SUPT3H: variants seen among roughly 807,000 people sequenced by gnomAD.
SUPT3H encodes SPT3 homolog, SAGA and STAGA complex component, also known as transcription initiation protein SPT3 homolog.
SUPT3H carries 44 observed loss-of-function variants against 44.3 expected under a neutral mutation model. The observed-to-expected ratio is 0.99, with a 90% confidence interval of 0.78 to 1.28. SUPT3H has a LOEUF of 1.28. Among genes scored for constraint, SUPT3H ranks in the 50% most tolerant of loss-of-function variants. The pLI is 0.00. For missense variants in SUPT3H, 380 were observed against 387.1 expected, an observed-to-expected ratio of 0.98 and a Z score of 0.15; for synonymous variants, 124 against 125.6, an observed-to-expected ratio of 0.99 and a Z score of 0.09.
chr6:45,146,289 G>A (rs1806055653), intron 2 of SUPT3H, among the ~76,000 whole-genome samples: 1 of 151,982 alleles, frequency 6.6e-6, no homozygotes, highest in South Asian at 2.1e-4. Context: ...ATCAATGAGT[G>A]GATAAAGAAA....
intron 1 of SUPT3H, chr6:45,372,098 TATTA>T: frequency 2.3e-6 from 2 of 867,014 alleles, no homozygotes; most frequent in Non-Finnish European, 2.8e-6. Flanking sequence ...TGTTGTGAAA[TATTA>T]ATATCTGACT....
chr6:44,884,095 T>G (rs1480056219), intron 10 of SUPT3H, among the ~76,000 whole-genome samples: 1 of 152,084 alleles, frequency 6.6e-6, no homozygotes, highest in Admixed American at 6.5e-5. Flanking sequence ...GGGTGAAAAT[T>G]TTTGCAATCT....
In SUPT3H at chr6:45,122,424, C is replaced by T. The variant is rs142993033; in HGVS notation, c.102-16418G>A. Among the ~76,000 whole-genome samples, 1,380 of 152,218 alleles carry T rather than the reference C, an allele frequency of 9.1e-3. 14 individuals are homozygous for T. Among genetic ancestry groups the T allele is most frequent in the South Asian group, 0.028 (137 of 4,814 alleles). On this transcript the variant is annotated intron_variant, in intron 2 of 10. Coordinates refer to ENST00000371459, the MANE Select transcript of SUPT3H (RefSeq NM_003599.4). Reference sequence around the variant, plus strand: ...TCTCAAAAACTTAGGAATAATTTCACAGTACCTAAGGATTAAGAAAAAAGG... The same window carrying T: ...TCTCAAAAACTTAGGAATAATTTCATAGTACCTAAGGATTAAGAAAAAAGG...
rs377640727 is a variant in SUPT3H at position 45,233,477 on chromosome 6, G to C, written c.102-127471C>G. On this transcript the variant is annotated intron_variant, in intron 2 of 10. Transcript: ENST00000371459. ...TAAATGGCTACTCATGCTAGTGTCA[G>C]AATTTGTGAAGGTAGAGAAGCTCTC... 1.3e-4 allele frequency among the ~76,000 whole-genome samples: 20 copies of C among 152,312 alleles called. No homozygotes were observed. In the East Asian group the frequency reaches 2.7e-3, roughly 21 times the overall value.
At chr6:44,894,781 C>T (rs930172534) in intron 10 of SUPT3H, among the ~76,000 whole-genome samples, 6 of 151,456 alleles carry the variant, frequency 4.0e-5, no homozygotes, top group South Asian at 2.1e-4. Context: ...TTTGAGAAAA[C>T]GCCCTTATAG....
At chr6:45,047,124 GCT>G (rs1436897533) in intron 3 of SUPT3H, among the ~76,000 whole-genome samples, 3 of 152,098 alleles carry the variant, frequency 2.0e-5, no homozygotes, top group African/African-American at 7.2e-5. Flanking sequence ...GGATTTTCTA[GCT>G]ATATGATTAT....
At chr6:45,328,936 T>G in intron 2 of SUPT3H, 1 of 811,014 alleles carries the variant, frequency 1.2e-6, no homozygotes, top group Non-Finnish European at 2.0e-6. Flanking sequence ...ATGAAATTTC[T>G]GTATATATTT....
chr6:45,107,536 G>C (rs1190443056), intron 2 of SUPT3H, among the ~76,000 whole-genome samples: 1 of 152,086 alleles, frequency 6.6e-6, no homozygotes, highest in Admixed American at 6.6e-5. Context: ...CCTAAGAATT[G>C]TTAACTATAA....
chr6:45,080,790 A>C (rs1212437950), intron 3 of SUPT3H, among the ~76,000 whole-genome samples: 1 of 152,062 alleles, frequency 6.6e-6, no homozygotes, highest in African/African-American at 2.4e-5. Flanking sequence ...GGAAATGAAG[A>C]AGTGGAGGTA....
chr6:45,103,034 G>A (rs1284613233), intron 3 of SUPT3H, among the ~76,000 whole-genome samples: 2 of 151,932 alleles, frequency 1.3e-5, no homozygotes, highest in Non-Finnish European at 1.5e-5. Context: ...AGATTTAAAT[G>A]AAGAGTACAA....
chr6:45,269,358 T>C (rs901274139), intron 2 of SUPT3H, among the ~76,000 whole-genome samples: 13 of 152,200 alleles, frequency 8.5e-5, no homozygotes, highest in African/African-American at 3.1e-4. Flanking sequence ...AGGAAAGCCT[T>C]ATTTAGAACA....
At chr6:45,323,585 TAAAAC>T in intron 2 of SUPT3H, among the ~76,000 whole-genome samples, 1 of 152,080 alleles carries the variant, frequency 6.6e-6, no homozygotes, top group East Asian at 1.9e-4. Context: ...AAAGACATCT[TAAAAC>T]AAATTGTAAC....
intron 3 of SUPT3H, among the ~76,000 whole-genome samples, chr6:45,061,962 T>C (rs1002333508): frequency 6.6e-6 from 1 of 150,986 alleles, no homozygotes; most frequent in Non-Finnish European, 1.5e-5. Flanking sequence ...GGGTGATGTG[T>C]TATATGAACA....
At chr6:45,330,532 G>A (rs1210619333) in intron 2 of SUPT3H, among the ~76,000 whole-genome samples, 2 of 151,778 alleles carry the variant, frequency 1.3e-5, no homozygotes, top group Non-Finnish European at 2.9e-5. Context: ...AACAACACAA[G>A]TTTCAAAAAA....
chr6:44,889,420 T>G (rs1188288654), intron 10 of SUPT3H, among the ~76,000 whole-genome samples: 3 of 152,024 alleles, frequency 2.0e-5, no homozygotes, highest in Admixed American at 1.3e-4. Context: ...AAAACAGAGA[T>G]ATACATCAAT....
At chr6:45,215,813 T>C (rs975179499) in intron 2 of SUPT3H, among the ~76,000 whole-genome samples, 2 of 152,144 alleles carry the variant, frequency 1.3e-5, no homozygotes, top group African/African-American at 4.8e-5. Context: ...GATATGGACA[T>C]CCAGATTCAT....
chr6:45,239,538 G>A (rs1769883922), intron 2 of SUPT3H, among the ~76,000 whole-genome samples: 1 of 152,168 alleles, frequency 6.6e-6, no homozygotes, highest in Admixed American at 6.5e-5. Flanking sequence ...ATTCTCTTTG[G>A]CAAATGGACA....
intron 3 of SUPT3H, among the ~76,000 whole-genome samples, chr6:45,105,444 A>G (rs2153571033): frequency 6.6e-6 from 1 of 152,188 alleles, no homozygotes; most frequent in East Asian, 1.9e-4. Context: ...TTTTGTGGGT[A>G]CAGAGTAGGT....
chr6:44,819,293 A>G (rs1268147901), intron 11 of SUPT3H, among the ~76,000 whole-genome samples: 1 of 152,192 alleles, frequency 6.6e-6, no homozygotes, highest in African/African-American at 2.4e-5. Context: ...TGATAGGGAC[A>G]GAATGAGTGT....
Sources: allele counts gnomAD v4.1 joint callset (sites outside exome capture counted in the v4.1 genomes callset), GRCh38; gene constraint gnomAD v4.1.1; transcripts MANE v1.5; gene names NCBI Gene and HGNC (gene_info 2026-07-23, HGNC 2026-07-21).